GBE1: variants seen among roughly 807,000 people sequenced by gnomAD.
GBE1 encodes the protein 1,4-alpha-glucan branching enzyme 1.
In GBE1, 70 loss-of-function variants were observed where a neutral mutation model predicts 88.8. The ratio of observed to expected loss-of-function variants is 0.79; its 90% CI spans 0.65 to 0.96. The LOEUF is 0.96. Among genes scored for constraint, GBE1 ranks in the 40% least tolerant of loss-of-function variants. The pLI, the probability that GBE1 is intolerant of heterozygous loss-of-function variation, is 0.00. For missense variants in GBE1, 872 were observed against 871.0 expected, an observed-to-expected ratio of 1.00 and a Z score of -0.01; for synonymous variants, 284 against 300.1, an observed-to-expected ratio of 0.95 and a Z score of 0.56.
In GBE1 at chr3:81,761,365, C is replaced by A. The variant is rs9820490; in HGVS notation, c.143+10G>T. 243,649 of 1,601,546 alleles carry A rather than the reference C, an allele frequency of 0.15. 19,918 individuals carry two copies. Among genetic ancestry groups the A allele is most frequent in the Non-Finnish European group, 0.17 (204,035 of 1,171,614 alleles). ...CTGTCTAAGTGGGGGTGGTGGGATT[C>A]CGGCGGTACCTGCGCTGGAAGTCCA... On this transcript the variant is annotated intron_variant, in intron 1 of 15. Coordinates refer to ENST00000429644, the MANE Select transcript of GBE1 (RefSeq NM_000158.4).
At chr3:81,520,413 C>T (rs1226899992) in intron 14 of GBE1, among the ~76,000 whole-genome samples, 1 of 151,382 alleles carries the variant, frequency 6.6e-6, no homozygotes, top group African/African-American at 2.4e-5. Flanking sequence ...AAAGAGGGGC[C>T]CTAATACTCA....
At chr3:81,761,314 G>A (rs1435087857) in intron 1 of GBE1, 61 bp downstream of exon 1, 7 of 1,545,744 alleles carry the variant, frequency 4.5e-6, no homozygotes, top group Non-Finnish European at 4.4e-6. Context: ...CCCGTGTCCC[G>A]AGACGGCTCC....
chr3:81,741,742 T>G (rs533933872), intron 1 of GBE1, among the ~76,000 whole-genome samples: 1 of 150,272 alleles, frequency 6.7e-6, no homozygotes, highest in African/African-American at 2.4e-5. Context: ...GTATGATATA[T>G]AAAAAGTATA....
intron 7 of GBE1, chr3:81,612,275 C>T (rs2106994257): frequency 3.2e-6 from 2 of 631,848 alleles, no homozygotes; most frequent in Non-Finnish European, 4.9e-6. Context: ...CTCATGTTGC[C>T]TCTTCCTGCT....
At chr3:81,713,810 C>A (rs1705904015) in intron 1 of GBE1, among the ~76,000 whole-genome samples, 1 of 152,170 alleles carries the variant, frequency 6.6e-6, no homozygotes, top group Non-Finnish European at 1.5e-5. Flanking sequence ...CTCTTCACTT[C>A]ATCTATCAGA....
At chr3:81,574,887 G>A (rs1364976626) in intron 12 of GBE1, among the ~76,000 whole-genome samples, 11 of 152,124 alleles carry the variant, frequency 7.2e-5, no homozygotes, top group East Asian at 3.8e-4. Flanking sequence ...GAATGAGGCC[G>A]GGGGCAGTGG....
rs954957960 is a variant in GBE1 at position 81,743,744 on chromosome 3, G to A, written c.143+17631C>T. On this transcript the variant is annotated intron_variant, in intron 1 of 15. Coordinates refer to ENST00000429644, the MANE Select transcript of GBE1 (RefSeq NM_000158.4). ...CTGGCCCATGTTTTTGTTTTGTGTT[G>A]TTTGTGTTTTTGCTTTATAGGACGG... is the stretch of plus-strand genomic sequence containing the variant. 9.2e-6 allele frequency: 6 copies of A among 651,088 alleles called. No homozygotes were observed. The African/African-American group carries it at 1.1e-4, about 12-fold the overall frequency. The allele number at this position is 651,088 out of a possible 1,614,324, so 40.3% of individuals were successfully genotyped here.
At chr3:81,659,388 T>C (rs544001742) in intron 3 of GBE1, among the ~76,000 whole-genome samples, 3 of 151,674 alleles carry the variant, frequency 2.0e-5, no homozygotes, top group African/African-American at 2.4e-5. Flanking sequence ...CAGGCTGGAG[T>C]GCAGTGGCGT....
chr3:81,620,183 TA>T (rs1444547708), intron 7 of GBE1, among the ~76,000 whole-genome samples: 2 of 109,752 alleles, frequency 1.8e-5, no homozygotes, highest in African/African-American at 4.4e-5. Context: ...GACATGGAAA[TA>T]ATTTTTTTTT....
At chr3:81,549,235 G>A (rs975151812) in intron 12 of GBE1, among the ~76,000 whole-genome samples, 1 of 150,866 alleles carries the variant, frequency 6.6e-6, no homozygotes, top group Non-Finnish European at 1.5e-5. Context: ...TCACCTTCTT[G>A]GCCAGGCTGG....
intron 12 of GBE1, among the ~76,000 whole-genome samples, chr3:81,552,003 C>T (rs948126383): frequency 1.3e-5 from 2 of 152,144 alleles, no homozygotes; most frequent in African/African-American, 4.8e-5. Context: ...TCTCCCAGTC[C>T]TCCCCCTGAT....
chr3:81,529,484 T>C (rs1576134391), intron 14 of GBE1, among the ~76,000 whole-genome samples: 1 of 152,110 alleles, frequency 6.6e-6, no homozygotes, highest in East Asian at 1.9e-4. Context: ...GCATTTCTTG[T>C]AGGTCAGGTT....
intron 7 of GBE1, among the ~76,000 whole-genome samples, chr3:81,629,149 G>A (rs1704468593): frequency 6.9e-6 from 1 of 145,502 alleles, no homozygotes; most frequent in Non-Finnish European, 1.5e-5. Context: ...TCTAGCATTA[G>A]GTGTATCTCC....
chr3:81,670,771 T>C, intron 3 of GBE1, 67 bp downstream of exon 3: 1 of 846,090 alleles, frequency 1.2e-6, no homozygotes, highest in Non-Finnish European at 1.8e-6. Context: ...ATAGTTTAAA[T>C]CAAACTTGGC....
chr3:81,736,795 C>T (rs906686308), intron 1 of GBE1, among the ~76,000 whole-genome samples: 10 of 152,126 alleles, frequency 6.6e-5, no homozygotes, highest in Non-Finnish European at 1.5e-5. Context: ...GCTATTAAAC[C>T]ACCCATCTAG....
At chr3:81,755,923 T>C (rs1706595832) in intron 1 of GBE1, among the ~76,000 whole-genome samples, 1 of 151,828 alleles carries the variant, frequency 6.6e-6, no homozygotes, top group Admixed American at 6.6e-5. Flanking sequence ...TATATGTACA[T>C]TTTACCTCAA....
chr3:81,576,838 C>A lies in GBE1; in HGVS notation c.1618+1087G>T, dbSNP rs887812072. 3.3e-5 allele frequency among the ~76,000 whole-genome samples: 5 copies of A among 151,812 alleles called. No individual in the cohort carries two copies. In the South Asian group the frequency reaches 1.0e-3, roughly 32 times the overall value. ...TACGTGAAATCTGTGTATGCTTTCTCGGGGTTGGCTTCCTAACCTCCAGTT... is the reference window on the plus strand; with the variant it reads ...TACGTGAAATCTGTGTATGCTTTCTAGGGGTTGGCTTCCTAACCTCCAGTT... On this transcript the variant is annotated intron_variant, in intron 12 of 15. Transcript: ENST00000429644.
At chr3:81,665,290 T>C (rs1298472894) in intron 3 of GBE1, among the ~76,000 whole-genome samples, 6 of 152,022 alleles carry the variant, frequency 3.9e-5, no homozygotes, top group Non-Finnish European at 7.4e-5. Context: ...TCCCAGCACT[T>C]TGGGAGGCTG....
At chr3:81,750,657 A>ATATATATATATGTG (rs1553696639) in intron 1 of GBE1, among the ~76,000 whole-genome samples, 1 of 45,962 alleles carries the variant, frequency 2.2e-5, no homozygotes, top group East Asian at 3.2e-3. Flanking sequence ...ATATATATAT[A>ATATATATATATGTG]TGTATATATA....
Sources: allele counts gnomAD v4.1 joint callset (sites outside exome capture counted in the v4.1 genomes callset), GRCh38; gene constraint gnomAD v4.1.1; transcripts MANE v1.5; gene names NCBI Gene and HGNC (gene_info 2026-07-23, HGNC 2026-07-21).